RYR2: variants seen among roughly 807,000 people sequenced by gnomAD.
RYR2 encodes ryanodine receptor 2.
RYR2 carries 227 observed loss-of-function variants against 601.1 expected under a neutral mutation model. The ratio of observed to expected loss-of-function variants is 0.38; its 90% CI spans 0.34 to 0.42. RYR2 has a LOEUF of 0.42. Ranked by LOEUF, RYR2 falls within the 10% of genes least tolerant of loss-of-function variation. RYR2 has a pLI of 1.00. For missense variants in RYR2, 4,646 were observed against 6,156.5 expected (o/e 0.75, Z 8.21); for synonymous variants, 2,223 against 2,175.1 (o/e 1.02, Z -0.61).
intron 10 of RYR2, among the ~76,000 whole-genome samples, chr1:237,416,562 G>A (rs1156505219): frequency 6.6e-6 from 1 of 152,078 alleles, no homozygotes; most frequent in Non-Finnish European, 1.5e-5. Flanking sequence ...ATTAAGAATT[G>A]TGTTCTTACA....
rs1229045575 is a variant in RYR2, at chr1:237,717,235, G to T, written c.10361G>T (p.Arg3454Leu). 3 of 1,613,542 alleles carry T rather than the reference G, an allele frequency of 1.9e-6. No homozygotes were observed. Among genetic ancestry groups the T allele is most frequent in the Non-Finnish European group, 2.5e-6 (3 of 1,179,654 alleles). The change falls in exon 72 of 105, where the codon CGC becomes CTC. Residue 3454 changes from arginine (R) to leucine (L), a missense_variant. Coordinates refer to ENST00000366574, the MANE Select transcript of RYR2 (RefSeq NM_001035.3). ...VSDQERKKMK[R>L]KGDRYSMQTS... The stretch of plus-strand genomic sequence containing the variant: ...GATCAGGAAAGGAAGAAAATGAAGC[G>T]CAAAGGAGATCGGTATTCCATGCAG...
chr1:237,723,098 C>A, intron 73 of RYR2, 30 bp from the exon 74 acceptor site: 1 of 1,584,718 alleles, frequency 6.3e-7, no homozygotes, highest in Non-Finnish European at 8.6e-7. Flanking sequence ...TTCCCATCTT[C>A]CCATTGTAAC....
At chr1:237,554,337 A>T (rs1670684423) in intron 27 of RYR2, among the ~76,000 whole-genome samples, 1 of 151,962 alleles carries the variant, frequency 6.6e-6, no homozygotes, top group African/African-American at 2.4e-5. Flanking sequence ...GTTCTAGGAT[A>T]ACTCTCTTCA....
rs370434904 is a variant in RYR2 at position 237,180,689 on chromosome 1, T to A, written c.49-89808T>A. Among the ~76,000 whole-genome samples, 3 of 61,268 alleles carry A rather than the reference T, an allele frequency of 4.9e-5. No individual in the cohort carries two copies. Among genetic ancestry groups the A allele is most frequent in the Admixed American group, 1.7e-4 (1 of 5,716 alleles). The allele number at this position is 61,268 out of a possible 152,430, so 40.2% of individuals were successfully genotyped here. On this transcript the variant is annotated intron_variant, in intron 1 of 104. Transcript: ENST00000366574. This position sits in a 1 kb window ranked among gnomAD's most constrained non-coding sequence, Gnocchi z 5.3. ...ATACATGTGTATATATGTGTATATATGTATATATAAGTATATATACACATA... is the reference window on the plus strand; with the variant it reads ...ATACATGTGTATATATGTGTATATAAGTATATATAAGTATATATACACATA...
chr1:237,576,657 C>T (rs1412732807), intron 29 of RYR2, among the ~76,000 whole-genome samples: 5 of 151,928 alleles, frequency 3.3e-5, no homozygotes, highest in Non-Finnish European at 7.4e-5. Context: ...TAAGAACATT[C>T]ATTTAAAAAA....
intron 1 of RYR2, among the ~76,000 whole-genome samples, chr1:237,230,784 A>G (rs11801278): frequency 0.33 from 49,615 of 151,940 alleles, 8,763 homozygotes; most frequent in Admixed American, 0.41. Flanking sequence ...CAAAAACTAG[A>G]CAGGCGTGGT....
At position 237,496,680 on chromosome 1, in the gene RYR2, G is replaced by A. The variant is rs1470689668; in HGVS notation, c.2131G>A (p.Glu711Lys). The A allele has an allele frequency of 2.5e-5, 40 of 1,613,940 alleles. No individual in the cohort carries two copies. Among genetic ancestry groups the A allele is most frequent in the Non-Finnish European group, 3.4e-5 (40 of 1,179,872 alleles). The change falls in exon 20 of 105, where the codon GAA becomes AAA. Residue 711 changes from glutamate (E) to lysine (K), a missense_variant. Glu to Lys is a moderately conservative substitution (Grantham distance 56). This residue lies in a region of RYR2 where 1,807 missense variants were observed against 2,088.1 expected (regional missense o/e 0.87). Coordinates refer to ENST00000366574, the MANE Select transcript of RYR2 (RefSeq NM_001035.3). The part of the protein sequence containing the change: ...EGYSPYPGGG[E>K]EWGGNGVGDD... ...ATATTCTCCCTACCCTGGAGGGGGC[G>A]AAGAGTGGGGTGGAAATGGTGTTGG...
At chr1:237,721,600 C>T (rs1208392771) in intron 73 of RYR2, among the ~76,000 whole-genome samples, 1 of 152,166 alleles carries the variant, frequency 6.6e-6, no homozygotes, top group East Asian at 1.9e-4. Context: ...TCACTGCAAC[C>T]TCCACCTCCT....
At chr1:237,284,486 A>AATATATAAAAT (rs902485828) in intron 2 of RYR2, among the ~76,000 whole-genome samples, 1 of 96,952 alleles carries the variant, frequency 1.0e-5, no homozygotes, top group Non-Finnish European at 1.9e-5. Context: ...ACATATATAT[A>AATATATAAAAT]ATATATAAAA....
At chr1:237,394,224 A>G (rs1230077874) in intron 10 of RYR2, among the ~76,000 whole-genome samples, 2 of 152,224 alleles carry the variant, frequency 1.3e-5, no homozygotes, top group Non-Finnish European at 2.9e-5. Context: ...CTGCAAAGCA[A>G]TGGTAACAAC....
intron 1 of RYR2, among the ~76,000 whole-genome samples, chr1:237,255,017 T>C (rs16835052): frequency 0.019 from 2,855 of 152,272 alleles, 91 homozygotes; most frequent in African/African-American, 0.064. Context: ...CTACTTTAGG[T>C]ATGAGAGGCT....
chr1:237,293,879 A>G (rs946653184), intron 2 of RYR2, among the ~76,000 whole-genome samples: 1 of 152,046 alleles, frequency 6.6e-6, no homozygotes, highest in Non-Finnish European at 1.5e-5. Context: ...ATCATTGGCC[A>G]TTGGTAATCA....
chr1:237,445,997 A>G (rs1409309451), intron 14 of RYR2, among the ~76,000 whole-genome samples: 1 of 151,960 alleles, frequency 6.6e-6, no homozygotes, highest in Non-Finnish European at 1.5e-5. Flanking sequence ...TTGTATTTTT[A>G]GTAGAGATAG....
intron 1 of RYR2, among the ~76,000 whole-genome samples, chr1:237,050,999 A>T: frequency 6.6e-6 from 1 of 152,236 alleles, no homozygotes; most frequent in Admixed American, 6.5e-5. Context: ...CAAATGAATG[A>T]AAGATATTCC....
At chr1:237,620,106 C>G (rs957335300) in intron 38 of RYR2, among the ~76,000 whole-genome samples, 10 of 151,960 alleles carry the variant, frequency 6.6e-5, no homozygotes, top group African/African-American at 2.4e-4. Context: ...ATGGTTGAAG[C>G]AAAAATCATA....
intron 1 of RYR2, among the ~76,000 whole-genome samples, chr1:237,110,245 G>A (rs755739196): frequency 1.1e-4 from 16 of 148,550 alleles, no homozygotes; most frequent in Middle Eastern, 3.2e-3. Context: ...AGGTGGGTCT[G>A]AGGTGGGGCC....
At chr1:237,410,644 G>A (rs1704355723) in intron 10 of RYR2, among the ~76,000 whole-genome samples, 1 of 152,024 alleles carries the variant, frequency 6.6e-6, no homozygotes, top group Non-Finnish European at 1.5e-5. Context: ...AGACCATATG[G>A]CTCGCAAAAC....
chr1:237,191,199 C>A (rs1189245208), intron 1 of RYR2, among the ~76,000 whole-genome samples: 1 of 152,020 alleles, frequency 6.6e-6, no homozygotes, highest in Non-Finnish European at 1.5e-5. Flanking sequence ...GTCTTGGTAC[C>A]CTTGTCAAAA....
At position 237,687,503 on chromosome 1, in the gene RYR2, TG is replaced by T; in HGVS notation, c.9067+1del. 6.2e-7 allele frequency: 1 copy of T among 1,607,684 alleles called. No individual in the cohort carries two copies. Among genetic ancestry groups the T allele is most frequent in the Non-Finnish European group, 8.5e-7 (1 of 1,175,434 alleles). On this transcript the variant is annotated frameshift_variant and splice_region_variant, in exon 63 of 105. Transcript: ENST00000366574. LOFTEE classifies it high-confidence loss of function. ...VLVRHRISLF[G>X]NDATSIVNCL... ...TTGTCAGGCATAGGATTTCACTATT[TG>T]GTAAGGAGACCCTTGAAAAAATACA...
Sources: gnomAD v4.1 joint callset for allele counts (sites outside exome capture counted in the v4.1 genomes callset) on GRCh38, gnomAD v4.1.1 for gene constraint, gnomAD v4.1.1 regional missense constraint, Gnocchi (gnomAD v3.1) non-coding constraint, MANE v1.5 for transcripts, NCBI Gene and HGNC (gene_info 2026-07-23, HGNC 2026-07-21) for gene names.